Variants in RBMS3 observed in about 807,000 individuals in gnomAD.
RBMS3 encodes the protein RNA-binding motif, single-stranded-interacting protein 3.
Under a neutral mutation model 66.8 loss-of-function variants are expected in RBMS3, and 27 were observed. The ratio of observed to expected loss-of-function variants is 0.40; its 90% CI spans 0.30 to 0.56. RBMS3 has a LOEUF of 0.56. Ranked by LOEUF, RBMS3 falls within the 20% of genes least tolerant of loss-of-function variation. RBMS3 has a pLI of 0.40. For missense variants in RBMS3, 513 were observed against 549.5 expected (o/e 0.93, Z 0.66); for synonymous variants, 188 against 183.0 (o/e 1.03, Z -0.22).
At chr3:29,346,396 C>CTTTTTTTTTTTT (rs34803214) in intron 1 of RBMS3, among the ~76,000 whole-genome samples, 3 of 59,964 alleles carry the variant, frequency 5.0e-5, no homozygotes, top group Admixed American at 2.5e-4. Flanking sequence ...GCAATTCATT[C>CTTTTTTTTTTTT]TTTTTTTTTT....
At chr3:29,760,209 T>G (rs1245383736) in intron 5 of RBMS3, among the ~76,000 whole-genome samples, 1 of 151,838 alleles carries the variant, frequency 6.6e-6, no homozygotes, top group Non-Finnish European at 1.5e-5. Flanking sequence ...TGATTTTCTT[T>G]TTTAGCTTCC....
intron 6 of RBMS3, among the ~76,000 whole-genome samples, chr3:29,769,828 G>A: frequency 6.6e-6 from 1 of 151,772 alleles, no homozygotes; most frequent in East Asian, 1.9e-4. Context: ...GGGTAAACAA[G>A]CATGCAACCA....
chr3:29,741,485 C>G (rs889656570), intron 5 of RBMS3, among the ~76,000 whole-genome samples: 2 of 152,194 alleles, frequency 1.3e-5, no homozygotes, highest in African/African-American at 4.8e-5. Context: ...CTTTACATAC[C>G]ATACACATTC....
chr3:29,644,770 T>C (rs1188949869), intron 4 of RBMS3, among the ~76,000 whole-genome samples: 1 of 152,124 alleles, frequency 6.6e-6, no homozygotes, highest in Non-Finnish European at 1.5e-5. Context: ...AGCCGAAGAG[T>C]AGTTCATGGC....
At position 29,684,196 on chromosome 3, in the gene RBMS3, T is replaced by C. The variant is rs1465571559; in HGVS notation, c.400-55524T>C. Among the ~76,000 whole-genome samples the C allele has an allele frequency of 2.6e-5, 4 of 152,220 alleles. No individual in the cohort carries two copies. The South Asian group carries it at 6.2e-4, about 24-fold the overall frequency. Reference sequence around the variant, plus strand: ...AGTAATTTTAATAGTTATGGTGTTGTACTGGGAGGCCTATCAACTAAAATT... The same window carrying C: ...AGTAATTTTAATAGTTATGGTGTTGCACTGGGAGGCCTATCAACTAAAATT... On this transcript the variant is annotated intron_variant, in intron 4 of 14. Transcript: ENST00000383767.
intron 6 of RBMS3, among the ~76,000 whole-genome samples, chr3:29,787,805 A>G (rs1023842821): frequency 6.6e-6 from 1 of 152,176 alleles, no homozygotes; most frequent in Admixed American, 6.6e-5. Context: ...TCATGTAACC[A>G]AACACCATCT....
At chr3:29,916,174 G>A (rs886764305) in intron 10 of RBMS3, among the ~76,000 whole-genome samples, 1 of 151,894 alleles carries the variant, frequency 6.6e-6, no homozygotes, top group Non-Finnish European at 1.5e-5. Flanking sequence ...CCAAAATTAT[G>A]CAAGGAGGAA....
chr3:29,693,041 A>C (rs528537755), intron 4 of RBMS3, among the ~76,000 whole-genome samples: 1 of 152,232 alleles, frequency 6.6e-6, no homozygotes, highest in African/African-American at 2.4e-5. Context: ...ACTGTAACTT[A>C]TTCTGTTTAA....
intron 1 of RBMS3, among the ~76,000 whole-genome samples, chr3:29,433,693 GT>G (rs1191475783): frequency 6.6e-6 from 1 of 152,154 alleles, no homozygotes; most frequent in Non-Finnish European, 1.5e-5. Flanking sequence ...GACAGTCAGT[GT>G]TAGTTGAGAA....
chr3:29,917,474 T>G lies in RBMS3; in HGVS notation c.939+17719T>G, dbSNP rs74673900. 3.8e-3 allele frequency among the ~76,000 whole-genome samples: 571 copies of G among 152,236 alleles called. 8 individuals are homozygous for G. In the East Asian group the frequency reaches 0.054, roughly 14 times the overall value. On this transcript the variant is annotated intron_variant, in intron 10 of 14. Transcript: ENST00000383767. ...CAGAGATTTAATGCAGTATAAATTA[T>G]GTATAGTCCCTGTCTTTATGAAACT...
intron 3 of RBMS3, among the ~76,000 whole-genome samples, chr3:29,514,857 C>T (rs28729767): frequency 0.11 from 17,134 of 150,714 alleles, 1,542 homozygotes; most frequent in East Asian, 0.39. Flanking sequence ...AAAAATAATA[C>T]CTAACTGTCA....
intron 1 of RBMS3, among the ~76,000 whole-genome samples, chr3:29,312,385 C>T (rs369684793): frequency 9.2e-5 from 14 of 151,778 alleles, no homozygotes; most frequent in African/African-American, 3.4e-4. Flanking sequence ...CTCAACCTGA[C>T]AAGAGGTTCA....
chr3:29,294,783 T>C (rs1176073560), intron 1 of RBMS3, among the ~76,000 whole-genome samples: 1 of 151,792 alleles, frequency 6.6e-6, no homozygotes, highest in Non-Finnish European at 1.5e-5. Context: ...GTCAATTTTG[T>C]TTATTCAAAA....
At chr3:29,414,659 T>A (rs2040405432) in intron 1 of RBMS3, among the ~76,000 whole-genome samples, 1 of 152,140 alleles carries the variant, frequency 6.6e-6, no homozygotes. Flanking sequence ...TGGGAGATAA[T>A]GTTAAATCAG....
At chr3:29,583,820 T>A (rs1315836408) in intron 3 of RBMS3, among the ~76,000 whole-genome samples, 1 of 152,132 alleles carries the variant, frequency 6.6e-6, no homozygotes, top group Non-Finnish European at 1.5e-5. Context: ...AAGTGGTCAA[T>A]AATGATTTGT....
chr3:29,288,679 C>T (rs2032563531), intron 1 of RBMS3, among the ~76,000 whole-genome samples: 1 of 151,970 alleles, frequency 6.6e-6, no homozygotes, highest in East Asian at 1.9e-4. Context: ...AAAATACTGA[C>T]AACTTTAGTT....
At chr3:29,461,593 G>A (rs1037234118) in intron 2 of RBMS3, among the ~76,000 whole-genome samples, 13 of 152,174 alleles carry the variant, frequency 8.5e-5, no homozygotes, top group Non-Finnish European at 1.9e-4. Context: ...CTTGAAATGT[G>A]TCCAAGAGTA....
At chr3:29,401,509 C>T (rs752548433) in intron 1 of RBMS3, among the ~76,000 whole-genome samples, 1 of 152,016 alleles carries the variant, frequency 6.6e-6, no homozygotes, top group Non-Finnish European at 1.5e-5. Flanking sequence ...TGGTGCAGGG[C>T]TACAGGAAGG....
At chr3:29,473,561 G>A (rs548935457) in intron 2 of RBMS3, among the ~76,000 whole-genome samples, 6 of 152,320 alleles carry the variant, frequency 3.9e-5, no homozygotes, top group East Asian at 3.9e-4. Context: ...CAGGGGTGGC[G>A]CTCGTTGGGG....
Sources: allele counts gnomAD v4.1 joint callset (sites outside exome capture counted in the v4.1 genomes callset), GRCh38; gene constraint gnomAD v4.1.1; transcripts MANE v1.5; gene names NCBI Gene and HGNC (gene_info 2026-07-23, HGNC 2026-07-21).